Variants in DYNC1H1 observed in about 807,000 individuals in gnomAD.
DYNC1H1 encodes dynein cytoplasmic 1 heavy chain 1.
DYNC1H1 carries 51 observed loss-of-function variants against 527.1 expected under a neutral mutation model. The observed-to-expected ratio is 0.10, with a 90% CI of 0.08 to 0.12. DYNC1H1 has a LOEUF of 0.12. Ranked by LOEUF, DYNC1H1 falls within the 10% of genes least tolerant of loss-of-function variation. The probability of loss-of-function intolerance (pLI) is 1.00; values close to 1 mark genes in which losing one functional copy is unlikely to be tolerated. For synonymous variants in DYNC1H1, 2,189 were observed against 2,278.8 expected, an observed-to-expected ratio of 0.96 and a Z score of 1.12; for missense variants, 2,771 against 5,971.8, an observed-to-expected ratio of 0.46 and a Z score of 17.66.
intron 1 of DYNC1H1, among the ~76,000 whole-genome samples, chr14:101,967,308 T>G (rs1429385498): frequency 3.3e-5 from 5 of 152,198 alleles, no homozygotes; most frequent in Admixed American, 2.6e-4. Flanking sequence ...TAGGCATGCA[T>G]TAATGTAGAC....
rs377319304 is a variant in DYNC1H1, at chr14:102,020,499, C to T, written c.8507+443C>T. ...GGTCTCCCAACAACTGCCCAGTGTG[C>T]GTGTTCCGTAACCACCACCCCTCTT... On this transcript the variant is annotated intron_variant, in intron 42 of 77. Coordinates refer to ENST00000360184, the MANE Select transcript of DYNC1H1 (RefSeq NM_001376.5). The surrounding 1 kb of genome is among the most constrained non-coding windows in gnomAD (Gnocchi z 4.3). Among the ~76,000 whole-genome samples the T allele has an allele frequency of 3.9e-5, 6 of 152,260 alleles. No homozygotes were observed. Among genetic ancestry groups the T allele is most frequent in the South Asian group, 2.1e-4 (1 of 4,816 alleles).
intron 1 of DYNC1H1, among the ~76,000 whole-genome samples, chr14:101,967,566 G>A (rs1469527000): frequency 6.6e-6 from 1 of 152,186 alleles, no homozygotes; most frequent in Non-Finnish European, 1.5e-5. Flanking sequence ...TGAGCTGGGT[G>A]CGGTGGCTCA....
intron 15 of DYNC1H1, 45 bp from the exon 16 acceptor site, chr14:101,996,990 A>T: frequency 6.3e-7 from 1 of 1,582,974 alleles, no homozygotes; most frequent in South Asian, 1.1e-5. Flanking sequence ...AATTTCTATC[A>T]TTGTTATAGA....
intron 28 of DYNC1H1, 32 bp downstream of exon 28, chr14:102,007,140 T>C: frequency 6.2e-7 from 1 of 1,605,386 alleles, no homozygotes; most frequent in South Asian, 1.1e-5. Flanking sequence ...ACCTAAAATG[T>C]AATGCCCTGC....
rs535276411 is a variant in DYNC1H1 at position 102,019,262 on chromosome 14, A to G, written c.8344-631A>G. On this transcript the variant is annotated intron_variant, in intron 41 of 77. Transcript: ENST00000360184. ...ATTCTGCAACATTTAAAAAATAGTC[A>G]TTAACAAAAATGTCTTTGCCCATTT... is the stretch of plus-strand genomic sequence containing the variant. 4.1e-4 allele frequency among the ~76,000 whole-genome samples: 62 copies of G among 152,336 alleles called. No individual in the cohort carries two copies. In the South Asian group the frequency reaches 0.013, roughly 31 times the overall value.
chr14:102,050,673 GGT>G lies in DYNC1H1; in HGVS notation c.*111_*112del. On this transcript the variant is annotated 3_prime_UTR_variant, in exon 78 of 78. Coordinates refer to ENST00000360184, the MANE Select transcript of DYNC1H1 (RefSeq NM_001376.5). ...TGTGAAAAGAAAGTGGTTGGTCTGAGGTTGGAGGAAGCTGAATGGAATCTGAC... is the reference window on the plus strand; with the variant it reads ...TGTGAAAAGAAAGTGGTTGGTCTGAGTGGAGGAAGCTGAATGGAATCTGAC... 6.4e-7 allele frequency: 1 copy of G among 1,557,774 alleles called. No individual in the cohort carries two copies.
chr14:101,986,717 C>T lies in DYNC1H1; in HGVS notation c.2492C>T (p.Pro831Leu). The change falls in exon 8 of 78, where the codon CCA becomes CTA. Residue 831 changes from proline (P) to leucine (L), a missense_variant. Transcript: ENST00000360184. This position sits in a 1 kb window ranked among gnomAD's most constrained non-coding sequence, Gnocchi z 8.7. ...ALVWESYKLD[P>L]YVQRLAETVF... Reference sequence around the variant, plus strand: ...GTGTGGGAGTCCTACAAACTTGACCCATATGTACAGCGCTTAGCAGAGACT... The same window carrying T: ...GTGTGGGAGTCCTACAAACTTGACCTATATGTACAGCGCTTAGCAGAGACT... 6.2e-7 allele frequency: 1 copy of T among 1,614,200 alleles called. No individual in the cohort carries two copies. Among genetic ancestry groups the T allele is most frequent in the Non-Finnish European group, 8.5e-7 (1 of 1,180,046 alleles).
intron 15 of DYNC1H1, among the ~76,000 whole-genome samples, chr14:101,996,062 T>A (rs1434246632): frequency 6.6e-6 from 1 of 151,680 alleles, no homozygotes; most frequent in Non-Finnish European, 1.5e-5. Flanking sequence ...AGACTCTATC[T>A]CAAAAAACTA....
In DYNC1H1 at chr14:102,010,918, A is replaced by G. The variant is rs1367705340; in HGVS notation, c.6584A>G (p.Asp2195Gly). The G allele has an allele frequency of 1.2e-6, 2 of 1,614,210 alleles. No homozygotes were observed. The highest frequency in any genetic ancestry group is 3.3e-5 in the Admixed American group (2 of 60,026). Reference sequence around the variant, plus strand: ...CAGGAGATGTATTTGACATATGGAGATGGAGAAGAAGTTGGTGGAATGTGG... The same window carrying G: ...CAGGAGATGTATTTGACATATGGAGGTGGAGAAGAAGTTGGTGGAATGTGG... Reference protein sequence around the residue: ...VCQEMYLTYGDGEEVGGMWVE... With the variant: ...VCQEMYLTYGGGEEVGGMWVE... Residue 2195 changes from aspartate (D) to glycine (G), a missense_variant, in exon 32 of 78, where the codon GAT becomes GGT. By Grantham distance (94) the Asp-to-Gly change is moderately conservative. This residue lies in a region of DYNC1H1 where 56 missense variants were observed against 140.6 expected (regional missense o/e 0.40). Coordinates refer to ENST00000360184, the MANE Select transcript of DYNC1H1 (RefSeq NM_001376.5). This position sits in a 1 kb window ranked among gnomAD's most constrained non-coding sequence, Gnocchi z 6.0.
chr14:102,021,773 G>C (rs2048387953), intron 42 of DYNC1H1, among the ~76,000 whole-genome samples: 1 of 148,254 alleles, frequency 6.7e-6, no homozygotes, highest in Non-Finnish European at 1.5e-5. Flanking sequence ...CAATTCTTGT[G>C]CCCCAGCCCC....
Position 102,036,372 on chromosome 14 carries a change from C to G in DYNC1H1, c.10755-117C>G. On this transcript the variant is annotated intron_variant, in intron 56 of 77. Coordinates refer to ENST00000360184, the MANE Select transcript of DYNC1H1 (RefSeq NM_001376.5). The surrounding 1 kb of genome is among the most constrained non-coding windows in gnomAD (Gnocchi z 5.6). Reference sequence around the variant, plus strand: ...CCTGAAAACGTCTCCGGAAACCACTCTCGGGTGGTGGTAACAGCCTATCAA... The same window carrying G: ...CCTGAAAACGTCTCCGGAAACCACTGTCGGGTGGTGGTAACAGCCTATCAA... 1 of 1,392,140 alleles carries G rather than the reference C, an allele frequency of 7.2e-7. No homozygotes were observed. Among genetic ancestry groups the G allele is most frequent in the Non-Finnish European group, 1.0e-6 (1 of 987,494 alleles). The allele number at this position is 1,392,140 out of a possible 1,614,324, so 86.2% of individuals were successfully genotyped here.
rs762313124 is a variant in DYNC1H1 at position 102,018,415 on chromosome 14, C to T, written c.8178-36C>T. On this transcript the variant is annotated intron_variant, in intron 40 of 77. Transcript: ENST00000360184. The surrounding 1 kb of genome is among the most constrained non-coding windows in gnomAD (Gnocchi z 5.2). ...ACTGCCCCTTCCTGGGAGGCGCTGTCAGGGAGGGGCGCTGAGCGGGGCTAT... is the reference window on the plus strand; with the variant it reads ...ACTGCCCCTTCCTGGGAGGCGCTGTTAGGGAGGGGCGCTGAGCGGGGCTAT... 7 of 1,608,782 alleles carry T rather than the reference C, an allele frequency of 4.4e-6. No homozygotes were observed. The Admixed American group carries it at 1.2e-4, about 27-fold the overall frequency.
At position 102,010,492 on chromosome 14, in the gene DYNC1H1, T is replaced by C. The variant is rs1369515781; in HGVS notation, c.6405+33T>C. On this transcript the variant is annotated intron_variant, in intron 31 of 77. Coordinates refer to ENST00000360184, the MANE Select transcript of DYNC1H1 (RefSeq NM_001376.5). The surrounding 1 kb of genome is among the most constrained non-coding windows in gnomAD (Gnocchi z 6.0). ...ACAAACGTTTTGATCACTCAAACCT[T>C]ATACGTTATTTAAATTTACCTTTTT... 10 of 1,610,274 alleles carry C rather than the reference T, an allele frequency of 6.2e-6. No individual in the cohort carries two copies. Among genetic ancestry groups the C allele is most frequent in the Admixed American group, 1.7e-5 (1 of 59,866 alleles).
intron 34 of DYNC1H1, chr14:102,013,007 T>C (rs17541102): frequency 0.033 from 5,705 of 172,720 alleles, 259 homozygotes; most frequent in African/African-American, 0.11. Context: ...CCCAGCACTT[T>C]GGGAGGCCGA....
intron 43 of DYNC1H1, among the ~76,000 whole-genome samples, chr14:102,025,111 G>A (rs956232341): frequency 3.3e-5 from 5 of 151,732 alleles, no homozygotes; most frequent in Non-Finnish European, 7.4e-5. Flanking sequence ...CAAGGTGGGC[G>A]GATCACCTGA....
chr14:102,008,061 G>T, intron 28 of DYNC1H1, 117 bp from the exon 29 acceptor site: 1 of 1,463,790 alleles, frequency 6.8e-7, no homozygotes, highest in Non-Finnish European at 9.4e-7. Context: ...ACGCTCTTTC[G>T]CTAAAGACAA....
At chr14:102,032,885 G>A in intron 52 of DYNC1H1, 180 bp from the exon 53 acceptor site, 1 of 660,154 alleles carries the variant, frequency 1.5e-6, no homozygotes, top group South Asian at 1.9e-5. Context: ...AATTGTTCAA[G>A]TGTTGAGCAC....
In DYNC1H1 at chr14:101,995,386, C is replaced by T. The variant is rs980555062; in HGVS notation, c.3564+86C>T. On this transcript the variant is annotated intron_variant, in intron 15 of 77. Transcript: ENST00000360184. Reference sequence around the variant, plus strand: ...CAGCACTTTGGGAGGCCGAGGCGGGCGGATCACGAGGTCAGGAGATCGAGA... The same window carrying T: ...CAGCACTTTGGGAGGCCGAGGCGGGTGGATCACGAGGTCAGGAGATCGAGA... 7.1e-5 allele frequency: 109 copies of T among 1,529,080 alleles called. No homozygotes were observed. In the African/African-American group the frequency reaches 1.0e-3, roughly 14 times the overall value. The allele number at this position is 1,529,080 out of a possible 1,614,324, so 94.7% of individuals were successfully genotyped here. A position where few individuals can be genotyped will look rare whatever the true frequency, so the allele number is the denominator to read the frequency against.
chr14:102,000,526 G>A, intron 18 of DYNC1H1, 127 bp downstream of exon 18: 1 of 779,886 alleles, frequency 1.3e-6, no homozygotes, highest in Admixed American at 2.1e-5. Context: ...TGTCCTGCAT[G>A]TCATTTACAT....
Sources: allele counts gnomAD v4.1 joint callset (sites outside exome capture counted in the v4.1 genomes callset), GRCh38; gene constraint gnomAD v4.1.1; regional missense constraint gnomAD v4.1.1; non-coding constraint Gnocchi (gnomAD v3.1); transcripts MANE v1.5; gene names NCBI Gene and HGNC (gene_info 2026-07-23, HGNC 2026-07-21).